GRAMD2B: variants seen among roughly 807,000 people sequenced by gnomAD.
The protein encoded by GRAMD2B is GRAM domain containing 2B, also known as GRAM domain-containing protein 2B.
Under a neutral mutation model 59.2 loss-of-function variants are expected in GRAMD2B, and 41 were observed. That is an observed-to-expected ratio of 0.69 (90% CI 0.54 to 0.90). The LOEUF (loss-of-function observed/expected upper bound fraction) is 0.90. Among genes scored for constraint, GRAMD2B ranks in the 40% least tolerant of loss-of-function variants. The pLI, the probability that GRAMD2B is intolerant of heterozygous loss-of-function variation, is 0.00. For missense variants in GRAMD2B, 424 were observed against 500.5 expected, an observed-to-expected ratio of 0.85 and a Z score of 1.46; for synonymous variants, 161 against 182.7, an observed-to-expected ratio of 0.88 and a Z score of 0.96.
At chr5:126,450,594 C>A (rs1023026000) in intron 1 of GRAMD2B, among the ~76,000 whole-genome samples, 1 of 144,146 alleles carries the variant, frequency 6.9e-6, no homozygotes, top group African/African-American at 2.6e-5. Context: ...GGCCTTCATT[C>A]ATTCTCTGTC....
At chr5:126,393,771 A>C (rs1206449294) in intron 1 of GRAMD2B, among the ~76,000 whole-genome samples, 1 of 152,202 alleles carries the variant, frequency 6.6e-6, no homozygotes, top group Non-Finnish European at 1.5e-5. Flanking sequence ...ACTGGAAAAA[A>C]ACAATGTTTC....
intron 13 of GRAMD2B, 133 bp downstream of exon 13, chr5:126,489,025 G>T: frequency 3.8e-6 from 2 of 520,534 alleles, no homozygotes; most frequent in Non-Finnish European, 3.5e-6. Flanking sequence ...CCCTGGCTAG[G>T]GGCTTTTTAT....
chr5:126,441,915 T>TC, intron 1 of GRAMD2B, among the ~76,000 whole-genome samples: 2 of 152,248 alleles, frequency 1.3e-5, no homozygotes, highest in East Asian at 3.9e-4. Context: ...AATCTCTGTT[T>TC]CCTCGCGTTA....
intron 1 of GRAMD2B, among the ~76,000 whole-genome samples, chr5:126,441,069 G>C (rs1763202165): frequency 6.6e-6 from 1 of 151,734 alleles, no homozygotes; most frequent in African/African-American, 2.4e-5. Context: ...CTTATTTTTT[G>C]TGTCTTTTTT....
At chr5:126,491,748 T>A (rs973379897) in intron 13 of GRAMD2B, among the ~76,000 whole-genome samples, 1 of 152,142 alleles carries the variant, frequency 6.6e-6, no homozygotes, top group African/African-American at 2.4e-5. Context: ...TTGTTTTTTT[T>A]CCCAAGACAG....
At chr5:126,410,734 CACA>C (rs1319235344) in intron 1 of GRAMD2B, among the ~76,000 whole-genome samples, 2 of 151,928 alleles carry the variant, frequency 1.3e-5, no homozygotes, top group Non-Finnish European at 2.9e-5. Flanking sequence ...TGTTTTTATA[CACA>C]ACAACATTCC....
chr5:126,360,230 C>T, exon 1 of GRAMD2B: 1 of 1,380,684 alleles, frequency 7.2e-7, no homozygotes, highest in South Asian at 1.4e-5. Flanking sequence ...GAAAAGCACA[C>T]CAACTGGCTC....
At position 126,465,250 on chromosome 5, in the gene GRAMD2B, A is replaced by G. The variant is rs1768093222; in HGVS notation, c.84-176A>G. 4.1e-6 allele frequency: 6 copies of G among 1,446,302 alleles called. No homozygotes were observed. The African/African-American group carries it at 8.6e-5, about 21-fold the overall frequency. 89.6% of individuals were successfully genotyped at this position (1,446,302 alleles called of 1,614,324 possible). A position where few individuals can be genotyped will look rare whatever the true frequency, so the allele number is the denominator to read the frequency against. On this transcript the variant is annotated intron_variant, in intron 1 of 13. Coordinates refer to ENST00000285689, the MANE Select transcript of GRAMD2B (RefSeq NM_023927.4). Reference sequence around the variant, plus strand: ...GACCTGCAGCTACTGCCGTTGGGACACCAGGCAAGGGGTTAGAATGGAGAT... The same window carrying G: ...GACCTGCAGCTACTGCCGTTGGGACGCCAGGCAAGGGGTTAGAATGGAGAT...
intron 1 of GRAMD2B, among the ~76,000 whole-genome samples, chr5:126,463,644 T>A (rs1463107819): frequency 6.6e-6 from 1 of 152,076 alleles, no homozygotes; most frequent in Admixed American, 6.5e-5. Context: ...TGGAGAAAAA[T>A]TGAAGAAATA....
intron 1 of GRAMD2B, among the ~76,000 whole-genome samples, chr5:126,448,822 C>T (rs931083997): frequency 2.6e-5 from 4 of 152,154 alleles, no homozygotes; most frequent in African/African-American, 7.2e-5. Context: ...TGTGTGGGCC[C>T]TCAGCGAACT....
At chr5:126,448,063 G>C (rs57629832) in intron 1 of GRAMD2B, among the ~76,000 whole-genome samples, 41,177 of 151,230 alleles carry the variant, frequency 0.27, 5,960 homozygotes, top group African/African-American at 0.37. Context: ...GTTTCACTGA[G>C]CAGGCTGGTC....
intron 2 of GRAMD2B, chr5:126,466,316 A>G (rs939325115): frequency 3.1e-5 from 45 of 1,458,494 alleles, no homozygotes; most frequent in Non-Finnish European, 3.8e-5. Flanking sequence ...CTCCAAATCT[A>G]TGCTTCATTC....
intron 1 of GRAMD2B, among the ~76,000 whole-genome samples, chr5:126,451,085 C>T (rs1765277208): frequency 6.6e-6 from 1 of 152,176 alleles, no homozygotes; most frequent in Non-Finnish European, 1.5e-5. Context: ...TCTGGAAAAC[C>T]CACAGGCATT....
At chr5:126,452,021 A>C (rs116708495) in intron 1 of GRAMD2B, among the ~76,000 whole-genome samples, 1,696 of 152,246 alleles carry the variant, frequency 0.011, 27 homozygotes, top group African/African-American at 0.039. Context: ...TGCCGGCACT[A>C]TGCTTCCTAG....
intron 1 of GRAMD2B, among the ~76,000 whole-genome samples, chr5:126,409,191 G>A (rs1165034199): frequency 1.3e-5 from 2 of 152,044 alleles, no homozygotes; most frequent in African/African-American, 4.8e-5. Flanking sequence ...ATAGTCCTTT[G>A]GGTATACACC....
chr5:126,417,503 C>A (rs1759361891), intron 1 of GRAMD2B, among the ~76,000 whole-genome samples: 1 of 152,218 alleles, frequency 6.6e-6, no homozygotes, highest in Non-Finnish European at 1.5e-5. Flanking sequence ...TCCAGCTTAG[C>A]TGAGTCTTCA....
intron 1 of GRAMD2B, among the ~76,000 whole-genome samples, chr5:126,390,396 TGTTA>T (rs1401032490): frequency 6.6e-6 from 1 of 152,216 alleles, no homozygotes; most frequent in Non-Finnish European, 1.5e-5. Flanking sequence ...GAGTTTTGTT[TGTTA>T]TTTTCTATGT....
intron 13 of GRAMD2B, 27 bp downstream of exon 13, chr5:126,488,919 G>T: frequency 1.3e-6 from 2 of 1,549,514 alleles, no homozygotes; most frequent in East Asian, 2.3e-5. Context: ...CTGTGTATGG[G>T]GGCAGTCACA....
At chr5:126,446,413 T>A (rs1017914081) in intron 1 of GRAMD2B, among the ~76,000 whole-genome samples, 1 of 152,172 alleles carries the variant, frequency 6.6e-6, no homozygotes, top group Non-Finnish European at 1.5e-5. Flanking sequence ...TCAAAAATCA[T>A]TTCTGAAAAT....
Sources: allele counts gnomAD v4.1 joint callset (sites outside exome capture counted in the v4.1 genomes callset), GRCh38; gene constraint gnomAD v4.1.1; transcripts MANE v1.5; gene names NCBI Gene and HGNC (gene_info 2026-07-23, HGNC 2026-07-21).